NOL4: variants seen among roughly 807,000 people sequenced by gnomAD.
NOL4 encodes nucleolar protein 4, also known as cancer/testis antigen 125.
A neutral mutation model predicts 75.9 loss-of-function variants in NOL4; 17 were observed. The ratio of observed to expected loss-of-function variants is 0.22; its 90% CI spans 0.15 to 0.34. The LOEUF is 0.34. Ranked by LOEUF, NOL4 falls within the 10% of genes least tolerant of loss-of-function variation. The pLI, the probability that NOL4 is intolerant of heterozygous loss-of-function variation, is 1.00. For synonymous variants in NOL4, 292 were observed against 289.9 expected (o/e 1.01, Z -0.07); for missense variants, 614 against 793.5 (o/e 0.77, Z 2.72).
chr18:33,940,659 G>T (rs553140128), intron 9 of NOL4, among the ~76,000 whole-genome samples: 1 of 151,766 alleles, frequency 6.6e-6, no homozygotes, highest in Non-Finnish European at 1.5e-5. Flanking sequence ...TAACCTGCAC[G>T]TTCTGCACAT....
intron 8 of NOL4, among the ~76,000 whole-genome samples, chr18:33,953,382 G>A (rs2069390091): frequency 6.6e-6 from 1 of 151,950 alleles, no homozygotes; most frequent in African/African-American, 2.4e-5. Flanking sequence ...TAGGCATAAT[G>A]TGTGTGAAGA....
chr18:33,932,391 G>A (rs1243535978), intron 9 of NOL4, among the ~76,000 whole-genome samples: 2 of 151,678 alleles, frequency 1.3e-5, no homozygotes, highest in Middle Eastern at 3.2e-3. Context: ...CTTTTAATAG[G>A]CATATACCTA....
intron 6 of NOL4, among the ~76,000 whole-genome samples, chr18:33,993,943 A>G (rs977949907): frequency 6.6e-6 from 1 of 151,820 alleles, no homozygotes; most frequent in Non-Finnish European, 1.5e-5. Flanking sequence ...ATATACTGAA[A>G]GTAAAAGAAT....
At chr18:33,856,641 A>G (rs1001671085) in intron 10 of NOL4, among the ~76,000 whole-genome samples, 1 of 152,074 alleles carries the variant, frequency 6.6e-6, no homozygotes, top group Non-Finnish European at 1.5e-5. Context: ...AACAATTTAA[A>G]TAAGTGAAGA....
In NOL4 at chr18:33,893,748, T is replaced by G. The variant is rs545454345; in HGVS notation, c.1543-10324A>C. Among the ~76,000 whole-genome samples the G allele has an allele frequency of 2.0e-3, 309 of 152,272 alleles. 3 individuals carry two copies. The highest frequency in any genetic ancestry group is 7.2e-3 in the African/African-American group (300 of 41,574). On this transcript the variant is annotated intron_variant, in intron 9 of 10. Coordinates refer to ENST00000261592, the MANE Select transcript of NOL4 (RefSeq NM_003787.5). Reference sequence around the variant, plus strand: ...TTCTGTTTGCATTTTACCTGATATTTTTATAGCACTTTGAAGTGTACAAGG... The same window carrying G: ...TTCTGTTTGCATTTTACCTGATATTGTTATAGCACTTTGAAGTGTACAAGG...
chr18:34,075,221 T>A (rs1028823243), intron 5 of NOL4, among the ~76,000 whole-genome samples: 1 of 152,138 alleles, frequency 6.6e-6, no homozygotes, highest in Non-Finnish European at 1.5e-5. Context: ...GGAACCAAAG[T>A]CCAAACATGA....
intron 2 of NOL4, among the ~76,000 whole-genome samples, chr18:34,127,531 C>T (rs2080442797): frequency 6.6e-6 from 1 of 151,848 alleles, no homozygotes; most frequent in Admixed American, 6.6e-5. Context: ...TCTAGCTAAT[C>T]CTACCTATGA....
intron 5 of NOL4, among the ~76,000 whole-genome samples, chr18:34,077,475 G>A (rs528374633): frequency 5.9e-5 from 9 of 151,808 alleles, no homozygotes; most frequent in African/African-American, 2.2e-4. Flanking sequence ...ATAAAAATGT[G>A]TATATATCCA....
chr18:33,883,311 G>A lies in NOL4; in HGVS notation c.1656C>T (p.Thr552=). The A allele has an allele frequency of 6.2e-7, 1 of 1,613,130 alleles. No individual in the cohort carries two copies. The highest frequency in any genetic ancestry group is 1.1e-5 in the South Asian group (1 of 91,028). The stretch of plus-strand genomic sequence containing the variant: ...GCCCTCTGTAACTATGGTAACTATA[G>A]GTCCCATTTCCATTGATGTACAGCA... ...QDVLYINGNG[T]YSYHSYRGLG... Residue 552 remains threonine (T), a synonymous_variant, in exon 10 of 11, where the codon ACC becomes ACT. Coordinates refer to ENST00000261592, the MANE Select transcript of NOL4 (RefSeq NM_003787.5).
chr18:34,223,137 G>A lies in NOL4; in HGVS notation c.117C>T (p.Leu39=). Residue 39 remains leucine, a synonymous_variant, in exon 1 of 11, where the codon CTC becomes CTT. Coordinates refer to ENST00000261592, the MANE Select transcript of NOL4 (RefSeq NM_003787.5). The stretch of plus-strand genomic sequence containing the variant: ...TGGAGCTCGACTCGGAGCCATTGAG[G>A]AGCTGGACGATCCGTTCGTATTTTT... ...TRKKYERIVQ[L]LNGSESSSTD... The A allele has an allele frequency of 6.2e-7, 1 of 1,614,202 alleles. No individual in the cohort carries two copies. The highest frequency in any genetic ancestry group is 8.5e-7 in the Non-Finnish European group (1 of 1,180,052).
intron 5 of NOL4, among the ~76,000 whole-genome samples, chr18:34,065,091 G>C (rs1330103593): frequency 6.6e-6 from 1 of 151,872 alleles, no homozygotes; most frequent in Non-Finnish European, 1.5e-5. Flanking sequence ...TGAATAAAAA[G>C]GGTTAGATAA....
intron 1 of NOL4, among the ~76,000 whole-genome samples, chr18:34,151,515 G>A (rs1056697063): frequency 6.6e-6 from 1 of 151,784 alleles, no homozygotes; most frequent in African/African-American, 2.4e-5. Context: ...AAACTAAGGA[G>A]ACAGTAAAAA....
chr18:33,911,515 T>C (rs2066404548), intron 9 of NOL4, among the ~76,000 whole-genome samples: 2 of 152,336 alleles, frequency 1.3e-5, no homozygotes, highest in Admixed American at 6.5e-5. Context: ...AGTTCTATCA[T>C]ACACAGTATA....
At chr18:34,100,073 C>A (rs1244057377) in intron 4 of NOL4, among the ~76,000 whole-genome samples, 1 of 149,256 alleles carries the variant, frequency 6.7e-6, no homozygotes, top group Non-Finnish European at 1.5e-5. Context: ...GAATTAGGAG[C>A]AAACAGCAGA....
At chr18:33,986,665 T>TA (rs1238257319) in intron 6 of NOL4, among the ~76,000 whole-genome samples, 1 of 152,134 alleles carries the variant, frequency 6.6e-6, no homozygotes, top group Non-Finnish European at 1.5e-5. Context: ...TGGAAAGAAT[T>TA]ACCTGCCAGA....
At chr18:33,872,897 A>G (rs550694038) in intron 10 of NOL4, among the ~76,000 whole-genome samples, 2 of 152,150 alleles carry the variant, frequency 1.3e-5, no homozygotes, top group South Asian at 4.1e-4. Context: ...CATCAAGGAA[A>G]CAGATGGGAG....
intron 6 of NOL4, among the ~76,000 whole-genome samples, chr18:33,997,002 C>T (rs1040337759): frequency 1.3e-5 from 2 of 151,798 alleles, no homozygotes; most frequent in African/African-American, 4.8e-5. Flanking sequence ...GGATGTTGAA[C>T]TTTTGTCAGA....
At chr18:33,956,634 G>C (rs2069670204) in intron 8 of NOL4, among the ~76,000 whole-genome samples, 1 of 152,100 alleles carries the variant, frequency 6.6e-6, no homozygotes, top group Admixed American at 6.6e-5. Flanking sequence ...GTAACAATTA[G>C]AGCAAGGTGA....
At chr18:34,164,305 A>G (rs565175017) in intron 1 of NOL4, among the ~76,000 whole-genome samples, 6 of 152,116 alleles carry the variant, frequency 3.9e-5, no homozygotes, top group Admixed American at 1.3e-4. Context: ...TGAACAGGCA[A>G]CCTATAAAAT....
Sources: allele counts gnomAD v4.1 joint callset (sites outside exome capture counted in the v4.1 genomes callset), GRCh38; gene constraint gnomAD v4.1.1; transcripts MANE v1.5; gene names NCBI Gene and HGNC (gene_info 2026-07-23, HGNC 2026-07-21).